Variants in GLS observed in about 807,000 individuals in gnomAD.
GLS encodes the protein glutaminase kidney isoform, mitochondrial.
Under a neutral mutation model 86.7 loss-of-function variants are expected in GLS, and 36 were observed. That is an observed-to-expected ratio of 0.42 (90% CI 0.32 to 0.55). The LOEUF is 0.55. Among genes scored for constraint, GLS ranks in the 20% least tolerant of loss-of-function variants. GLS has a pLI of 0.17. For synonymous variants in GLS, 317 were observed against 305.9 expected (o/e 1.04, Z -0.38); for missense variants, 528 against 833.4 (o/e 0.63, Z 4.51).
At chr2:190,881,596 G>A (rs1688187386) in intron 1 of GLS, 126 bp downstream of exon 1, 1 of 937,986 alleles carries the variant, frequency 1.1e-6, no homozygotes, top group Admixed American at 3.2e-5. Context: ...AGAGGTGCCG[G>A]GCGGCCTGCG....
intron 1 of GLS, among the ~76,000 whole-genome samples, chr2:190,884,971 T>C (rs1574555140): frequency 1.3e-5 from 2 of 152,362 alleles, no homozygotes; most frequent in Middle Eastern, 6.8e-3. Flanking sequence ...GGTAGTTGGA[T>C]GTTTGCATAT....
chr2:190,913,111 C>A lies in GLS; in HGVS notation c.1038+2790C>A, dbSNP rs1689416987. 2.5e-6 allele frequency: 3 copies of A among 1,206,944 alleles called. No individual in the cohort carries two copies. The highest frequency in any genetic ancestry group is 5.7e-5 in the East Asian group (1 of 17,532). The allele number at this position is 1,206,944 out of a possible 1,614,324, so 74.8% of individuals were successfully genotyped here. A position where few individuals can be genotyped will look rare whatever the true frequency, so the allele number is the denominator to read the frequency against. On this transcript the variant is annotated intron_variant, in intron 7 of 17. Transcript: ENST00000320717. This position sits in a 1 kb window ranked among gnomAD's most constrained non-coding sequence, Gnocchi z 6.1. The stretch of plus-strand genomic sequence containing the variant: ...TTAAAATCATTTTCTTCATGTTAAT[C>A]CCCCCACCCCAAAATTAAGTAGAGT...
intron 14 of GLS, among the ~76,000 whole-genome samples, chr2:190,937,334 C>A (rs1300333738): frequency 6.6e-6 from 1 of 151,206 alleles, no homozygotes; most frequent in East Asian, 1.9e-4. Flanking sequence ...CCCCAACCTC[C>A]AGCTAGTAGT....
chr2:190,910,199 G>A, intron 6 of GLS, 64 bp from the exon 7 acceptor site: 1 of 971,928 alleles, frequency 1.0e-6, no homozygotes, highest in Admixed American at 2.3e-5. Context: ...GTCATTTTTA[G>A]TATAGTAATA....
rs961044586 is a variant in GLS, at chr2:190,943,890, A to C, written c.1651-9675A>C. ...CTCTGGAGACCAGTGAAAATGAGGG[A>C]TTTCTTTTCTAACATTAAAGCAATT... On this transcript the variant is annotated intron_variant, in intron 14 of 17. Coordinates refer to ENST00000320717, the MANE Select transcript of GLS (RefSeq NM_014905.5). This position sits in a 1 kb window ranked among gnomAD's most constrained non-coding sequence, Gnocchi z 4.5. 2.0e-5 allele frequency among the ~76,000 whole-genome samples: 3 copies of C among 152,208 alleles called. No homozygotes were observed. Among genetic ancestry groups the C allele is most frequent in the African/African-American group, 7.2e-5 (3 of 41,464 alleles).
rs190766001 is a variant in GLS, at chr2:190,892,069, T to C, written c.387-3083T>C. Among the ~76,000 whole-genome samples, 3 of 152,216 alleles carry C rather than the reference T, an allele frequency of 2.0e-5. No homozygotes were observed. In the East Asian group the frequency reaches 5.8e-4, roughly 29 times the overall value. On this transcript the variant is annotated intron_variant, in intron 1 of 17. Coordinates refer to ENST00000320717, the MANE Select transcript of GLS (RefSeq NM_014905.5). ...GTCATAGATCTATTCTTGTAATTCC[T>C]CATTTTATGTACATGTCTCCTACTT...
intron 9 of GLS, among the ~76,000 whole-genome samples, chr2:190,923,532 A>C (rs1051461537): frequency 4.6e-5 from 7 of 152,186 alleles, no homozygotes; most frequent in African/African-American, 1.4e-4. Flanking sequence ...GATTATGTCA[A>C]GTTCCCTGAT....
At position 190,897,841 on chromosome 2, in the gene GLS, A is replaced by G. The variant is rs1268900562; in HGVS notation, c.605+2116A>G. 2.0e-5 allele frequency among the ~76,000 whole-genome samples: 3 copies of G among 152,186 alleles called. No homozygotes were observed. Among genetic ancestry groups the G allele is most frequent in the Non-Finnish European group, 4.4e-5 (3 of 68,024 alleles). On this transcript the variant is annotated intron_variant, in intron 3 of 17. Coordinates refer to ENST00000320717, the MANE Select transcript of GLS (RefSeq NM_014905.5). This position sits in a 1 kb window ranked among gnomAD's most constrained non-coding sequence, Gnocchi z 4.3. ...AAGCAGTGTGTTAATATTTTACCTAAAATACATTGTAGATTAATATTTTTA... is the reference window on the plus strand; with the variant it reads ...AAGCAGTGTGTTAATATTTTACCTAGAATACATTGTAGATTAATATTTTTA...
chr2:190,901,865 GAGATA>G, intron 4 of GLS, 77 bp from the exon 5 acceptor site: 1 of 858,354 alleles, frequency 1.2e-6, no homozygotes, highest in Non-Finnish European at 2.0e-6. Context: ...AAGGTAAAAT[GAGATA>G]AGAAATTTGT....
At position 190,961,689 on chromosome 2, in the gene GLS, GT is replaced by G. The variant is rs11386437; in HGVS notation, c.1854-1125del. Among the ~76,000 whole-genome samples, 945 of 135,862 alleles carry G rather than the reference GT, an allele frequency of 7.0e-3. 7 individuals are homozygous for G. Among genetic ancestry groups the G allele is most frequent in the East Asian group, 0.018 (82 of 4,654 alleles). The allele number at this position is 135,862 out of a possible 152,430, so 89.1% of individuals were successfully genotyped here. ...CTATTCAAAGTCACTTAATTCAGCT[GT>G]TTTTTTTTTTTTTTTGATAAATACA... is the stretch of plus-strand genomic sequence containing the variant. On this transcript the variant is annotated intron_variant, in intron 17 of 17. Transcript: ENST00000320717.
chr2:190,916,615 G>C (rs1689543059), intron 7 of GLS, among the ~76,000 whole-genome samples: 1 of 152,076 alleles, frequency 6.6e-6, no homozygotes, highest in African/African-American at 2.4e-5. Context: ...CATTTCCAGG[G>C]TAAATAATAT....
At chr2:190,942,588 A>G (rs955507129) in intron 14 of GLS, among the ~76,000 whole-genome samples, 2 of 152,162 alleles carry the variant, frequency 1.3e-5, no homozygotes, top group African/African-American at 2.4e-5. Flanking sequence ...GTGGGTGAAA[A>G]GGAATGCGAT....
intron 14 of GLS, chr2:190,933,795 G>A (rs1213674927): frequency 1.4e-6 from 1 of 696,262 alleles, no homozygotes; most frequent in African/African-American, 1.9e-5. Flanking sequence ...TATTTCTTTT[G>A]TGATAAGTTA....
intron 1 of GLS, among the ~76,000 whole-genome samples, chr2:190,889,808 T>C (rs576433143): frequency 6.6e-6 from 1 of 152,260 alleles, no homozygotes; most frequent in South Asian, 2.1e-4. Flanking sequence ...GCTTTTGTGC[T>C]TTTTACTTTG....
intron 5 of GLS, among the ~76,000 whole-genome samples, chr2:190,904,101 A>C (rs1463977024): frequency 6.6e-6 from 1 of 151,390 alleles, no homozygotes; most frequent in African/African-American, 2.4e-5. Context: ...ATGACTGCCT[A>C]CTGAACTTAG....
At chr2:190,961,243 G>T (rs1368783432) in intron 17 of GLS, among the ~76,000 whole-genome samples, 2 of 152,224 alleles carry the variant, frequency 1.3e-5, no homozygotes, top group Admixed American at 1.3e-4. Flanking sequence ...CTGTTGCCCA[G>T]GCTGGAGTGC....
intron 6 of GLS, among the ~76,000 whole-genome samples, chr2:190,906,455 A>G (rs1194234432): frequency 1.3e-5 from 2 of 152,194 alleles, no homozygotes; most frequent in Admixed American, 6.5e-5. Context: ...TTTGCCATAT[A>G]TATTTATGGT....
chr2:190,922,169 TATG>T (rs1689758169), intron 9 of GLS, among the ~76,000 whole-genome samples: 1 of 152,062 alleles, frequency 6.6e-6, no homozygotes, highest in Non-Finnish European at 1.5e-5. Context: ...CCATAGACAA[TATG>T]AGGGTGTGTT....
At chr2:190,918,349 A>G (rs1363554495) in intron 7 of GLS, among the ~76,000 whole-genome samples, 1 of 152,120 alleles carries the variant, frequency 6.6e-6, no homozygotes, top group African/African-American at 2.4e-5. Flanking sequence ...TATGTTATGG[A>G]GACGGCTTCT....
Sources: allele counts gnomAD v4.1 joint callset (sites outside exome capture counted in the v4.1 genomes callset), GRCh38; gene constraint gnomAD v4.1.1; non-coding constraint Gnocchi (gnomAD v3.1); transcripts MANE v1.5; gene names NCBI Gene and HGNC (gene_info 2026-07-23, HGNC 2026-07-21).